Variants in PCDH15 observed in about 807,000 individuals in gnomAD.
PCDH15 encodes protocadherin-15.
PCDH15 carries 129 observed loss-of-function variants against 178.5 expected under a neutral mutation model. The ratio of observed to expected loss-of-function variants is 0.72; its 90% CI spans 0.63 to 0.84. The LOEUF is 0.84. Ranked by LOEUF, PCDH15 falls within the 40% of genes least tolerant of loss-of-function variation. The pLI is 0.00. For missense variants in PCDH15, 2,230 were observed against 2,099.9 expected, an observed-to-expected ratio of 1.06 and a Z score of -1.21; for synonymous variants, 800 against 732.0, an observed-to-expected ratio of 1.09 and a Z score of -1.50.
chr10:54,396,011 G>T (rs954336740), intron 3 of PCDH15, among the ~76,000 whole-genome samples: 4 of 152,104 alleles, frequency 2.6e-5, no homozygotes, highest in African/African-American at 7.2e-5. Context: ...TGAGCTGAAG[G>T]CAATTAAGAA....
intron 3 of PCDH15, among the ~76,000 whole-genome samples, chr10:54,447,450 T>C (rs1170030341): frequency 2.0e-5 from 3 of 151,670 alleles, no homozygotes; most frequent in Admixed American, 1.3e-4. Context: ...GAGTTTTACT[T>C]ATTTAAACTC....
At chr10:54,737,837 C>T (rs1284379466) in intron 1 of PCDH15, among the ~76,000 whole-genome samples, 2 of 152,160 alleles carry the variant, frequency 1.3e-5, no homozygotes, top group African/African-American at 4.8e-5. Flanking sequence ...GATATGAATA[C>T]TGCCCTATTC....
At chr10:54,113,839 TAA>T (rs1324461438) in intron 15 of PCDH15, among the ~76,000 whole-genome samples, 2 of 152,004 alleles carry the variant, frequency 1.3e-5, no homozygotes, top group Non-Finnish European at 2.9e-5. Context: ...GTGTAATTTA[TAA>T]AGAAAAAAAG....
chr10:54,890,715 A>C (rs1310934333), intron 3 of PCDH15, among the ~76,000 whole-genome samples: 1 of 152,036 alleles, frequency 6.6e-6, no homozygotes, highest in Non-Finnish European at 1.5e-5. Flanking sequence ...TATCCATCAA[A>C]AATATTTATT....
intron 1 of PCDH15, among the ~76,000 whole-genome samples, chr10:54,797,345 G>A (rs1952137259): frequency 6.6e-6 from 1 of 151,902 alleles, no homozygotes; most frequent in Admixed American, 6.6e-5. Context: ...AATAATGACT[G>A]CTTTTGCCTC....
chr10:54,650,476 T>C (rs898217058), intron 2 of PCDH15, among the ~76,000 whole-genome samples: 2 of 152,110 alleles, frequency 1.3e-5, no homozygotes, highest in Admixed American at 6.6e-5. Flanking sequence ...ATTAATAAAT[T>C]CTAAATAAAT....
intron 3 of PCDH15, among the ~76,000 whole-genome samples, chr10:54,447,775 T>C (rs1347149137): frequency 6.6e-6 from 1 of 151,772 alleles, no homozygotes; most frequent in African/African-American, 2.4e-5. Flanking sequence ...GCTTGAATTC[T>C]TGGCTACTTA....
At chr10:54,139,618 T>A (rs1391995717) in intron 14 of PCDH15, among the ~76,000 whole-genome samples, 2 of 152,154 alleles carry the variant, frequency 1.3e-5, no homozygotes, top group African/African-American at 4.8e-5. Context: ...AGATGTTCAC[T>A]AAAGTTTTGT....
chr10:54,447,736 C>T (rs763719081), intron 3 of PCDH15, among the ~76,000 whole-genome samples: 35 of 151,578 alleles, frequency 2.3e-4, no homozygotes, highest in African/African-American at 4.8e-4. Context: ...GCATAAAAGA[C>T]AAAGATAATA....
chr10:55,591,517 C>A (rs1842842496), intron 2 of PCDH15, among the ~76,000 whole-genome samples: 1 of 152,020 alleles, frequency 6.6e-6, no homozygotes, highest in Non-Finnish European at 1.5e-5. Context: ...TCATCATCCA[C>A]ATTTTTCAGT....
chr10:55,343,383 G>A (rs1464624008), intron 2 of PCDH15, among the ~76,000 whole-genome samples: 1 of 152,068 alleles, frequency 6.6e-6, no homozygotes, highest in Non-Finnish European at 1.5e-5. Flanking sequence ...AACATCATTA[G>A]AGATGGCCTT....
chr10:54,602,815 C>T (rs2092597972), intron 2 of PCDH15, among the ~76,000 whole-genome samples: 1 of 151,860 alleles, frequency 6.6e-6, no homozygotes, highest in Non-Finnish European at 1.5e-5. Flanking sequence ...AGGGATAAGT[C>T]CTAGTTGGTC....
At chr10:55,616,733 T>C (rs1353487450) in intron 2 of PCDH15, among the ~76,000 whole-genome samples, 1 of 152,138 alleles carries the variant, frequency 6.6e-6, no homozygotes, top group Non-Finnish European at 1.5e-5. Context: ...TACCTAACGA[T>C]TTCCAGTGTC....
Position 54,246,472 on chromosome 10 carries a change from T to C in PCDH15, c.877-9541A>G, listed in dbSNP as rs541172616. On this transcript the variant is annotated intron_variant, in intron 8 of 37. Coordinates refer to ENST00000644397, the MANE Select transcript of PCDH15 (RefSeq NM_001384140.1). ...CAATTATTATGTCTTATATGATATG[T>C]ATGAGTGTAAGATTCTTGCATATAA... Among the ~76,000 whole-genome samples the C allele has an allele frequency of 3.3e-5, 5 of 152,018 alleles. No homozygotes were observed. In the South Asian group the frequency reaches 1.0e-3, roughly 32 times the overall value.
At chr10:55,386,257 C>T (rs1272359243) in intron 2 of PCDH15, among the ~76,000 whole-genome samples, 3 of 151,520 alleles carry the variant, frequency 2.0e-5, no homozygotes. Context: ...TTATATCACA[C>T]CCAGAAGTCA....
intron 2 of PCDH15, among the ~76,000 whole-genome samples, chr10:55,603,394 C>T (rs1372285384): frequency 7.9e-5 from 12 of 151,218 alleles, no homozygotes; most frequent in South Asian, 2.1e-4. Flanking sequence ...ATACAGAGAA[C>T]GCCACAAAGA....
intron 2 of PCDH15, among the ~76,000 whole-genome samples, chr10:55,127,949 C>T (rs1837944518): frequency 6.6e-6 from 1 of 151,974 alleles, no homozygotes; most frequent in African/African-American, 2.4e-5. Context: ...TTGTCAGTCC[C>T]AAGTGGTTTT....
At chr10:54,579,361 A>C (rs2133759591) in intron 2 of PCDH15, among the ~76,000 whole-genome samples, 1 of 152,270 alleles carries the variant, frequency 6.6e-6, no homozygotes, top group East Asian at 1.9e-4. Context: ...ATAAGACAGA[A>C]TTTAAACCAA....
intron 1 of PCDH15, among the ~76,000 whole-genome samples, chr10:55,169,873 AAAT>A (rs762705463): frequency 1.3e-5 from 2 of 152,186 alleles, no homozygotes; most frequent in African/African-American, 2.4e-5. Context: ...AATGTGATTT[AAAT>A]AATAAGAAGA....
Sources: gnomAD v4.1 joint callset for allele counts (sites outside exome capture counted in the v4.1 genomes callset) on GRCh38, gnomAD v4.1.1 for gene constraint, MANE v1.5 for transcripts, NCBI Gene and HGNC (gene_info 2026-07-23, HGNC 2026-07-21) for gene names.